Variants in CFTR observed in about 807,000 individuals in gnomAD.
CFTR encodes CF transmembrane conductance regulator, also known as cystic fibrosis transmembrane conductance regulator.
In CFTR, 181 loss-of-function variants were observed where a neutral mutation model predicts 171.6. That is an observed-to-expected ratio of 1.05 (90% CI 0.93 to 1.19). The LOEUF is 1.19. Among genes scored for constraint, CFTR ranks in the 50% most tolerant of loss-of-function variants. The pLI, the probability that CFTR is intolerant of heterozygous loss-of-function variation, is 0.00. For missense variants in CFTR, 1,968 were observed against 1,734.7 expected (o/e 1.13, Z -2.39); for synonymous variants, 583 against 608.0 (o/e 0.96, Z 0.60).
At chr7:117,562,239 A>G (rs1168647417) in intron 11 of CFTR, among the ~76,000 whole-genome samples, 1 of 152,156 alleles carries the variant, frequency 6.6e-6, no homozygotes, top group Non-Finnish European at 1.5e-5. Context: ...AAAACATGAC[A>G]TAGGAGAAAT....
chr7:117,572,115 C>T (rs1791700503), intron 11 of CFTR, among the ~76,000 whole-genome samples: 1 of 152,148 alleles, frequency 6.6e-6, no homozygotes, highest in South Asian at 2.1e-4. Flanking sequence ...GATTCTCCTG[C>T]CTCAGCCTCC....
At chr7:117,665,388 C>T in intron 25 of CFTR, 71 bp from the exon 26 acceptor site, 1 of 871,560 alleles carries the variant, frequency 1.1e-6, no homozygotes. Flanking sequence ...GAACAATAGA[C>T]ATATTATCAA....
In CFTR at chr7:117,592,238, G is replaced by A. The variant is rs1187385113; in HGVS notation, c.2071G>A (p.Gly691Arg). The change falls in exon 14 of 27, where the codon GGA becomes AGA. Residue 691 changes from glycine (G) to arginine (R), a missense_variant. Physicochemically the swap from Gly to Arg is moderately radical, Grantham distance 125. Transcript: ENST00000003084. ...ETKKQSFKQT[G>R]EFGEKRKNSI... ...AAAAAAACAATCTTTTAAACAGACT[G>A]GAGAGTTTGGGGAAAAAAGGAAGAA... 8 of 1,613,636 alleles carry A rather than the reference G, an allele frequency of 5.0e-6. No homozygotes were observed. The highest frequency in any genetic ancestry group is 6.8e-6 in the Non-Finnish European group (8 of 1,179,950).
chr7:117,597,715 G>A (rs1223590164), intron 15 of CFTR, among the ~76,000 whole-genome samples: 1 of 151,456 alleles, frequency 6.6e-6, no homozygotes, highest in African/African-American at 2.4e-5. Flanking sequence ...CCATTTTAGA[G>A]ATTCAAATCA....
At position 117,531,043 on chromosome 7, in the gene CFTR, C is replaced by T. The variant is rs145900055; in HGVS notation, c.418C>T (p.Pro140Ser). The part of the protein sequence containing the change: ...LFIVRTLLLH[P>S]AIFGLHHIGM... Reference sequence around the variant, plus strand: ...TATTGTGAGGACACTGCTCCTACACCCAGCCATTTTTGGCCTTCATCACAT... The same window carrying T: ...TATTGTGAGGACACTGCTCCTACACTCAGCCATTTTTGGCCTTCATCACAT... The change falls in exon 4 of 27, where the codon CCA (proline) becomes TCA (serine). Residue 140 changes from proline (P) to serine (S), a missense_variant. Pro to Ser is a moderately conservative substitution (Grantham distance 74, BLOSUM62 -1). Coordinates refer to ENST00000003084, the MANE Select transcript of CFTR (RefSeq NM_000492.4). The T allele has an allele frequency of 2.8e-4, 455 of 1,613,736 alleles. No individual in the cohort carries two copies. Among genetic ancestry groups the T allele is most frequent in the Non-Finnish European group, 3.4e-4 (404 of 1,179,850 alleles).
chr7:117,564,350 C>T (rs886318677), intron 11 of CFTR, among the ~76,000 whole-genome samples: 2 of 152,246 alleles, frequency 1.3e-5, no homozygotes, highest in East Asian at 3.9e-4. Context: ...TTTTCAGTGA[C>T]CTAAGAGTTT....
chr7:117,555,609 T>C (rs1368912141), intron 10 of CFTR, among the ~76,000 whole-genome samples: 1 of 152,190 alleles, frequency 6.6e-6, no homozygotes, highest in African/African-American at 2.4e-5. Context: ...AAAGTGCCAC[T>C]AGTGATGCAC....
chr7:117,504,720 C>T (rs1205499422), intron 2 of CFTR, among the ~76,000 whole-genome samples: 1 of 148,714 alleles, frequency 6.7e-6, no homozygotes, highest in Non-Finnish European at 1.5e-5. Flanking sequence ...TGCCACTGCA[C>T]TCCAGCTTGG....
At chr7:117,584,178 A>G (rs1157341203) in intron 11 of CFTR, among the ~76,000 whole-genome samples, 3 of 152,016 alleles carry the variant, frequency 2.0e-5, no homozygotes. Context: ...CAGTTTAATT[A>G]TTTCCCATCT....
intron 21 of CFTR, among the ~76,000 whole-genome samples, chr7:117,615,450 G>A (rs1271505605): frequency 6.6e-6 from 1 of 151,748 alleles, no homozygotes; most frequent in Non-Finnish European, 1.5e-5. Context: ...CTTATATTGG[G>A]TTCTCAAATT....
intron 11 of CFTR, among the ~76,000 whole-genome samples, chr7:117,568,326 A>G (rs1169716897): frequency 6.6e-6 from 1 of 152,192 alleles, no homozygotes; most frequent in Non-Finnish European, 1.5e-5. Flanking sequence ...TCATATGACC[A>G]GATTTGCATT....
intron 18 of CFTR, 133 bp from the exon 19 acceptor site, chr7:117,610,386 T>TA (rs570660341): frequency 6.4e-5 from 45 of 699,750 alleles, no homozygotes; most frequent in Middle Eastern, 4.0e-4. Flanking sequence ...TAAAGTATAA[T>TA]AAAAAAAATA....
intron 15 of CFTR, among the ~76,000 whole-genome samples, chr7:117,597,253 A>G (rs1388767187): frequency 6.6e-6 from 1 of 152,132 alleles, no homozygotes; most frequent in Non-Finnish European, 1.5e-5. Context: ...GAAGAAAGAA[A>G]CTCCTAACAC....
Position 117,603,739 on chromosome 7 carries a change from T to G in CFTR, c.2865T>G (p.Ser955=). 4 of 1,614,060 alleles carry G rather than the reference T, an allele frequency of 2.5e-6. No individual in the cohort carries two copies. The highest frequency in any genetic ancestry group is 3.4e-6 in the Non-Finnish European group (4 of 1,179,944). Residue 955 remains serine, a synonymous_variant, in exon 17 of 27, where the codon TCT becomes TCG. Transcript: ENST00000003084. ...SKILHHKMLH[S]VLQAPMSTLN... ...TTTTACACCACAAAATGTTACATTCTGTTCTTCAAGCACCTATGTCAACCC... is the reference window on the plus strand; with the variant it reads ...TTTTACACCACAAAATGTTACATTCGGTTCTTCAAGCACCTATGTCAACCC...
chr7:117,604,239 AG>A (rs1411256852), intron 17 of CFTR, among the ~76,000 whole-genome samples: 2 of 152,220 alleles, frequency 1.3e-5, no homozygotes, highest in African/African-American at 4.8e-5. Context: ...GTTATATGGT[AG>A]GGGGATCCCA....
intron 1 of CFTR, among the ~76,000 whole-genome samples, chr7:117,492,817 A>T (rs1353922849): frequency 6.6e-6 from 1 of 152,062 alleles, no homozygotes; most frequent in Admixed American, 6.6e-5. Flanking sequence ...GAATTAATCT[A>T]GACTTCAGAG....
Position 117,652,871 on chromosome 7 carries a change from A to G in CFTR, c.3903A>G (p.Arg1301=), listed in dbSNP as rs774683612. The change falls in exon 24 of 27, where the codon AGA becomes AGG. Residue 1301 remains arginine (R), a synonymous_variant. Coordinates refer to ENST00000003084, the MANE Select transcript of CFTR (RefSeq NM_000492.4). The part of the protein sequence containing the change: ...QKVFIFSGTF[R]KNLDPYEQWS... The stretch of plus-strand genomic sequence containing the variant: ...TATTTATTTTTTCTGGAACATTTAG[A>G]AAAAACTTGGATCCCTATGAACAGT... The G allele has an allele frequency of 6.9e-6, 11 of 1,592,432 alleles. No individual in the cohort carries two copies. The highest frequency in any genetic ancestry group is 9.5e-6 in the Non-Finnish European group (11 of 1,162,112).
intron 24 of CFTR, 106 bp from the exon 25 acceptor site, chr7:117,664,582 G>T: frequency 3.0e-6 from 3 of 1,015,466 alleles, no homozygotes; most frequent in Non-Finnish European, 3.1e-6. Flanking sequence ...TAGAGGGATT[G>T]GTATGAAAAA....
chr7:117,574,090 T>C (rs972524116), intron 11 of CFTR, among the ~76,000 whole-genome samples: 4 of 152,064 alleles, frequency 2.6e-5, no homozygotes, highest in Non-Finnish European at 5.9e-5. Context: ...AGATCTACTG[T>C]GAAGGCTGGA....
Sources: gnomAD v4.1 joint callset for allele counts (sites outside exome capture counted in the v4.1 genomes callset) on GRCh38, gnomAD v4.1.1 for gene constraint, MANE v1.5 for transcripts, NCBI Gene and HGNC (gene_info 2026-07-23, HGNC 2026-07-21) for gene names.